The following SHD variants were observed in gnomAD, a reference collection of about 807,000 sequenced individuals.
SHD encodes the protein Src homology 2 domain containing transforming protein D, also known as SH2 domain-containing adapter protein D.
SHD carries 29 observed loss-of-function variants against 31.2 expected under a neutral mutation model. The ratio of observed to expected loss-of-function variants is 0.93; its 90% CI spans 0.69 to 1.27. SHD has a LOEUF of 1.27. SHD is among the 50% of genes most tolerant of loss of function. The pLI is 0.00. For missense variants in SHD, 520 were observed against 453.8 expected (o/e 1.15, Z -1.33); for synonymous variants, 208 against 187.8 (o/e 1.11, Z -0.88).
At chr19:4,287,108 C>T (rs537193761) in intron 4 of SHD, among the ~76,000 whole-genome samples, 10 of 151,952 alleles carry the variant, frequency 6.6e-5, no homozygotes, top group South Asian at 6.2e-4. Context: ...CCGAGGTGGG[C>T]GGATCACAAG....
chr19:4,284,766 A>C lies in SHD; in HGVS notation c.593-15A>C. On this transcript the variant is annotated splice_polypyrimidine_tract_variant and intron_variant, in intron 3 of 5. Transcript: ENST00000543264. ...GGCTGGACTTAACCCTTTCCTCTCT[A>C]AATCTCCTTTCCAGTGCAGTTTGAC... 4 of 1,578,006 alleles carry C rather than the reference A, an allele frequency of 2.5e-6. No homozygotes were observed. Among genetic ancestry groups the C allele is most frequent in the Non-Finnish European group, 3.5e-6 (4 of 1,157,532 alleles).
At chr19:4,280,477 G>C in intron 1 of SHD, 117 bp downstream of exon 1, 1 of 1,169,436 alleles carries the variant, frequency 8.6e-7, no homozygotes, top group Non-Finnish European at 1.2e-6. Flanking sequence ...GCACCAGACA[G>C]ACCCTTCCCA....
Position 4,288,224 on chromosome 19 carries a change from A to G in SHD, c.717-19A>G. ...TGAAGGGAATGGCCCTTGATGAGAC[A>G]TCTGTCCATACTCGCTAGGTGGTTT... On this transcript the variant is annotated intron_variant, in intron 4 of 5. Coordinates refer to ENST00000543264, the MANE Select transcript of SHD (RefSeq NM_020209.4). The G allele has an allele frequency of 6.2e-7, 1 of 1,611,002 alleles. No homozygotes were observed. Among genetic ancestry groups the G allele is most frequent in the Non-Finnish European group, 8.5e-7 (1 of 1,178,298 alleles).
At position 4,279,934 on chromosome 19, in the gene SHD, C is replaced by G. The variant is rs1971238811; in HGVS notation, c.-130C>G. 9 of 1,160,766 alleles carry G rather than the reference C, an allele frequency of 7.8e-6. No individual in the cohort carries two copies. In the South Asian group the frequency reaches 1.3e-4, roughly 17 times the overall value. 71.9% of individuals were successfully genotyped at this position (1,160,766 alleles called of 1,614,324 possible). A position where few individuals can be genotyped will look rare whatever the true frequency, so the allele number is the denominator to read the frequency against. On this transcript the variant is annotated 5_prime_UTR_variant, in exon 1 of 6. Coordinates refer to ENST00000543264, the MANE Select transcript of SHD (RefSeq NM_020209.4). This position sits in a 1 kb window ranked among gnomAD's most constrained non-coding sequence, Gnocchi z 7.5. Reference sequence around the variant, plus strand: ...TCCAGAGCCCCGCCAAAGGGCGCACCTGATCTTTCTCATCCTTCCCTGCTC... The same window carrying G: ...TCCAGAGCCCCGCCAAAGGGCGCACGTGATCTTTCTCATCCTTCCCTGCTC...
chr19:4,285,281 A>G (rs1283086756), intron 4 of SHD, among the ~76,000 whole-genome samples: 6 of 152,170 alleles, frequency 3.9e-5, no homozygotes, highest in Admixed American at 3.9e-4. Flanking sequence ...AGAGACAGAA[A>G]TCATTCTCAG....
Position 4,288,358 on chromosome 19 carries a change from C to T in SHD, c.832C>T (p.Leu278Phe). 6.2e-7 allele frequency: 1 copy of T among 1,612,706 alleles called. No homozygotes were observed. The highest frequency in any genetic ancestry group is 1.1e-5 in the South Asian group (1 of 90,922). The change falls in exon 5 of 6, where the codon CTC (leucine) becomes TTC (phenylalanine). Residue 278 changes from leucine to phenylalanine, a missense_variant. Coordinates refer to ENST00000543264, the MANE Select transcript of SHD (RefSeq NM_020209.4). ...CAACCCCCAGGACTGCTCCTTGTCTCTCAGGTGAGAACTCAGCCTCACAGG... is the reference window on the plus strand; with the variant it reads ...CAACCCCCAGGACTGCTCCTTGTCTTTCAGGTGAGAACTCAGCCTCACAGG... ...ETNPQDCSLSLRSSQGFLHLK... is the reference protein window; with the variant it reads ...ETNPQDCSLSFRSSQGFLHLK...
At chr19:4,280,854 G>A (rs189117870) in intron 1 of SHD, among the ~76,000 whole-genome samples, 2 of 152,068 alleles carry the variant, frequency 1.3e-5, no homozygotes, top group African/African-American at 4.8e-5. Flanking sequence ...AATGCATAAT[G>A]CTGGTTGTCC....
At chr19:4,284,700 C>A in intron 3 of SHD, 81 bp from the exon 4 acceptor site, 8 of 1,372,436 alleles carry the variant, frequency 5.8e-6, no homozygotes, top group Non-Finnish European at 7.6e-6. Flanking sequence ...GCCTTTCTAC[C>A]GAGATTCCAT....
At chr19:4,288,414 C>T in intron 5 of SHD, 52 bp downstream of exon 5, 1 of 1,564,690 alleles carries the variant, frequency 6.4e-7, no homozygotes. Flanking sequence ...CGTGAGTCAC[C>T]CTTTTGGGTT....
chr19:4,290,315 C>A (rs1313439911), intron 5 of SHD, 132 bp from the exon 6 acceptor site: 1 of 922,232 alleles, frequency 1.1e-6, no homozygotes, highest in Non-Finnish European at 1.6e-6. Context: ...TACCAGCCAC[C>A]ACACTGCTGT....
chr19:4,289,103 A>ATTTTT (rs71166980), intron 5 of SHD, among the ~76,000 whole-genome samples: 7 of 77,394 alleles, frequency 9.0e-5, no homozygotes, highest in African/African-American at 1.7e-4. Context: ...TGCCCAGCTA[A>ATTTTT]TTTTTTTTTT....
In SHD at chr19:4,279,907, C is replaced by A; in HGVS notation, c.-157C>A. The stretch of plus-strand genomic sequence containing the variant: ...CGTTCACCTTTTCCTTCCCTCTATC[C>A]ATCCAGAGCCCCGCCAAAGGGCGCA... On this transcript the variant is annotated 5_prime_UTR_variant, in exon 1 of 6. Coordinates refer to ENST00000543264, the MANE Select transcript of SHD (RefSeq NM_020209.4). The surrounding 1 kb of genome is among the most constrained non-coding windows in gnomAD (Gnocchi z 7.5). 1.2e-6 allele frequency: 1 copy of A among 853,612 alleles called. No homozygotes were observed. Among genetic ancestry groups the A allele is most frequent in the Non-Finnish European group, 1.8e-6 (1 of 563,178 alleles). The allele number at this position is 853,612 out of a possible 1,614,324, so 52.9% of individuals were successfully genotyped here.
intron 2 of SHD, 28 bp downstream of exon 2, chr19:4,283,003 G>C (rs1016317606): frequency 1.9e-6 from 3 of 1,614,068 alleles, no homozygotes; most frequent in Non-Finnish European, 2.5e-6. Flanking sequence ...GGGGGAAGGT[G>C]ACAGGGTCCC....
chr19:4,284,843 C>G lies in SHD; in HGVS notation c.655C>G (p.Pro219Ala), dbSNP rs752320904. Residue 219 changes from proline to alanine, a missense_variant, in exon 4 of 6, where the codon CCG (proline) becomes GCG (alanine). Coordinates refer to ENST00000543264, the MANE Select transcript of SHD (RefSeq NM_020209.4). Reference sequence around the variant, plus strand: ...CTCAGCCAAGGAGCTCCGGAGACCTCCGCCCAGAAGCCCCCAGCCTGCGGA... The same window carrying G: ...CTCAGCCAAGGAGCTCCGGAGACCTGCGCCCAGAAGCCCCCAGCCTGCGGA... Reference protein sequence around the residue: ...PGSAKELRRPPPRSPQPAERV... With the variant: ...PGSAKELRRPAPRSPQPAERV... 6.2e-7 allele frequency: 1 copy of G among 1,613,142 alleles called. No individual in the cohort carries two copies. The highest frequency in any genetic ancestry group is 8.5e-7 in the Non-Finnish European group (1 of 1,179,620).
At chr19:4,280,416 C>T (rs1971246413) in intron 1 of SHD, 56 bp downstream of exon 1, 11 of 1,493,070 alleles carry the variant, frequency 7.4e-6, no homozygotes, top group Admixed American at 2.3e-5. Context: ...AGGATGGGCT[C>T]TCTGGATCGT....
chr19:4,285,914 A>G (rs1312792287), intron 4 of SHD, among the ~76,000 whole-genome samples: 13 of 45,678 alleles, frequency 2.8e-4, no homozygotes, highest in African/African-American at 1.1e-3. Flanking sequence ...TTTTTTTGAC[A>G]GAGCCTCGCT....
At chr19:4,287,880 G>C (rs1009931833) in intron 4 of SHD, among the ~76,000 whole-genome samples, 2 of 136,932 alleles carry the variant, frequency 1.5e-5, no homozygotes, top group African/African-American at 5.9e-5. Flanking sequence ...ACAGATCCCA[G>C]AGTGTGTTTT....
chr19:4,282,694 T>C (rs1341115102), intron 1 of SHD, among the ~76,000 whole-genome samples, 176 bp from the exon 2 acceptor site: 3 of 151,780 alleles, frequency 2.0e-5, no homozygotes, highest in Non-Finnish European at 4.4e-5. Context: ...CCAGCCTGGG[T>C]GACAGAGCGA....
In SHD at chr19:4,280,142, G is replaced by A; in HGVS notation, c.79G>A (p.Glu27Lys). 4 of 1,613,878 alleles carry A rather than the reference G, an allele frequency of 2.5e-6. No homozygotes were observed. Among genetic ancestry groups the A allele is most frequent in the South Asian group, 1.1e-5 (1 of 91,062 alleles). The change falls in exon 1 of 6, where the codon GAG (glutamate) becomes AAG (lysine). Residue 27 changes from glutamate (E) to lysine (K), a missense_variant. By Grantham distance (56) the Glu-to-Lys change is moderately conservative (BLOSUM62 1). Transcript: ENST00000543264. Reference protein sequence around the residue: ...PPQPPTPDYTESDILRAYRAQ... With the variant: ...PPQPPTPDYTKSDILRAYRAQ... ...GCAGCCGCCCACCCCGGACTACACC[G>A]AGAGCGACATCCTGAGGGCCTACCG...
Sources: gnomAD v4.1 joint callset for allele counts (sites outside exome capture counted in the v4.1 genomes callset) on GRCh38, gnomAD v4.1.1 for gene constraint, Gnocchi (gnomAD v3.1) non-coding constraint, MANE v1.5 for transcripts, NCBI Gene and HGNC (gene_info 2026-07-23, HGNC 2026-07-21) for gene names.